The following PCDHA4 variants were observed in gnomAD, a reference collection of about 807,000 sequenced individuals.
PCDHA4 encodes protocadherin alpha-4.
A neutral mutation model predicts 61.4 loss-of-function variants in PCDHA4; 49 were observed. The observed-to-expected ratio is 0.80, with a 90% CI of 0.63 to 1.01. The LOEUF (loss-of-function observed/expected upper bound fraction) is 1.01. PCDHA4 is among the 50% of genes least tolerant of loss of function. PCDHA4 has a pLI of 0.00. For synonymous variants in PCDHA4, 590 were observed against 550.3 expected, an observed-to-expected ratio of 1.07 and a Z score of -1.01; for missense variants, 1,254 against 1,235.8, an observed-to-expected ratio of 1.01 and a Z score of -0.22.
intron 1 of PCDHA4, among the ~76,000 whole-genome samples, chr5:140,832,886 A>G (rs1334973286): frequency 1.3e-5 from 2 of 152,182 alleles, no homozygotes; most frequent in African/African-American, 4.8e-5. Context: ...TAAAATGGAA[A>G]GAGTTTTCCC....
At chr5:140,857,289 G>C in intron 1 of PCDHA4, 2 of 1,598,692 alleles carry the variant, frequency 1.3e-6, no homozygotes, top group African/African-American at 1.3e-5. Flanking sequence ...GCTCTGGACC[G>C]CGAGAGGGTG....
At chr5:140,826,294 A>G (rs1305624310) in intron 1 of PCDHA4, among the ~76,000 whole-genome samples, 1 of 152,114 alleles carries the variant, frequency 6.6e-6, no homozygotes, top group African/African-American at 2.4e-5. Context: ...TGTCTTTTTT[A>G]TAGGAACCTC....
intron 1 of PCDHA4, among the ~76,000 whole-genome samples, chr5:140,947,885 A>G (rs2094188913): frequency 6.6e-6 from 1 of 151,584 alleles, no homozygotes; most frequent in Non-Finnish European, 1.5e-5. Context: ...AGGACAATAT[A>G]AACAGAAGTG....
At chr5:140,870,417 C>T (rs2051990915) in intron 1 of PCDHA4, 1 of 1,614,092 alleles carries the variant, frequency 6.2e-7, no homozygotes, top group Admixed American at 1.7e-5. Flanking sequence ...GGGCCACGGC[C>T]AGGGTATCCG....
chr5:140,844,369 C>G (rs1345474134), intron 1 of PCDHA4, among the ~76,000 whole-genome samples: 1 of 149,206 alleles, frequency 6.7e-6, no homozygotes, highest in Admixed American at 6.7e-5. Context: ...GATTTGTAAT[C>G]CTTCTTTTAA....
At chr5:141,003,046 A>C (rs530303478) in intron 3 of PCDHA4, among the ~76,000 whole-genome samples, 76 of 152,356 alleles carry the variant, frequency 5.0e-4, no homozygotes, top group African/African-American at 1.8e-3. Context: ...TCCTGGCCTT[A>C]ACAGAACAGT....
chr5:140,903,301 A>G (rs575233990), intron 1 of PCDHA4, among the ~76,000 whole-genome samples: 1 of 152,302 alleles, frequency 6.6e-6, no homozygotes, highest in East Asian at 1.9e-4. Context: ...GAAATTTAGT[A>G]TACAATAAAG....
rs2150477897 is a variant in PCDHA4, at chr5:140,850,290, G to A, written c.2385+40718G>A. Reference sequence around the variant, plus strand: ...GGTGGGGAAGGTGCGCGCAGTGGACGCCGACTCGGGCTACAACGCGTGGCT... The same window carrying A: ...GGTGGGGAAGGTGCGCGCAGTGGACACCGACTCGGGCTACAACGCGTGGCT... On this transcript the variant is annotated intron_variant, in intron 1 of 3. Coordinates refer to ENST00000530339, the MANE Select transcript of PCDHA4 (RefSeq NM_018907.4). 4.4e-6 allele frequency: 7 copies of A among 1,595,816 alleles called. 1 individual carries two copies. The highest frequency in any genetic ancestry group is 6.0e-6 in the Non-Finnish European group (7 of 1,167,570).
intron 1 of PCDHA4, among the ~76,000 whole-genome samples, chr5:140,906,790 C>A (rs1381392314): frequency 6.6e-6 from 1 of 152,276 alleles, no homozygotes; most frequent in South Asian, 2.1e-4. Flanking sequence ...TTGTGTATTC[C>A]ATGCATACTC....
intron 1 of PCDHA4, among the ~76,000 whole-genome samples, chr5:140,910,741 ATAAAT>A (rs2075151736): frequency 6.6e-6 from 1 of 152,142 alleles, no homozygotes; most frequent in African/African-American, 2.4e-5. Flanking sequence ...AACCAAGCAC[ATAAAT>A]TATCAGAACC....
rs1038789772 is a variant in PCDHA4, at chr5:140,894,031, G to C, written c.2385+84459G>C. On this transcript the variant is annotated intron_variant, in intron 1 of 3. Transcript: ENST00000530339. ...TTCAAATTACCAGTTCTGCATACTG[G>C]TAATGTAAGTCCTCTGTTGAATTGA... Among the ~76,000 whole-genome samples, 3 of 152,204 alleles carry C rather than the reference G, an allele frequency of 2.0e-5. No homozygotes were observed. In the South Asian group the frequency reaches 6.2e-4, roughly 32 times the overall value.
At chr5:140,989,620 C>T (rs1197614071) in intron 3 of PCDHA4, among the ~76,000 whole-genome samples, 1 of 152,168 alleles carries the variant, frequency 6.6e-6, no homozygotes, top group African/African-American at 2.4e-5. Context: ...GAAAGTCTGT[C>T]CTAGTGACAG....
intron 1 of PCDHA4, chr5:140,884,560 G>A: frequency 6.2e-7 from 1 of 1,614,132 alleles, no homozygotes; most frequent in African/African-American, 1.3e-5. Context: ...GGGAGGGCCC[G>A]CATAAGACGG....
intron 1 of PCDHA4, among the ~76,000 whole-genome samples, chr5:140,914,458 A>G (rs1294717004): frequency 6.6e-6 from 1 of 152,004 alleles, no homozygotes; most frequent in Non-Finnish European, 1.5e-5. Flanking sequence ...TTTCCAGTCT[A>G]TGTGTATCTT....
intron 1 of PCDHA4, among the ~76,000 whole-genome samples, chr5:140,895,233 A>G (rs2064923914): frequency 3.3e-5 from 5 of 152,070 alleles, no homozygotes; most frequent in Admixed American, 2.6e-4. Context: ...GAGTTTTCTC[A>G]TCTCTCTTTT....
intron 1 of PCDHA4, chr5:140,843,278 G>A (rs147078401): frequency 6.3e-7 from 1 of 1,595,978 alleles, no homozygotes; most frequent in Non-Finnish European, 8.6e-7. Flanking sequence ...CCTGGTGAAG[G>A]ATCATGGTGA....
At position 140,870,851 on chromosome 5, in the gene PCDHA4, C is replaced by G. The variant is rs1562652583; in HGVS notation, c.2385+61279C>G. ...GCAGTTAACAAGCTAGTACCGCGGT[C>G]GGTGGGTGCGGGCCACGTGGTGGCG... is the stretch of plus-strand genomic sequence containing the variant. On this transcript the variant is annotated intron_variant, in intron 1 of 3. Transcript: ENST00000530339. The G allele has an allele frequency of 1.9e-6, 3 of 1,613,838 alleles. No homozygotes were observed. Among genetic ancestry groups the G allele is most frequent in the Non-Finnish European group, 2.5e-6 (3 of 1,179,894 alleles).
At chr5:140,864,528 T>C (rs2048505938) in intron 1 of PCDHA4, 1 of 152,240 alleles carries the variant, frequency 6.6e-6, no homozygotes, top group Non-Finnish European at 1.5e-5. Context: ...TACTTCTTAA[T>C]TTTTGTCTTC....
Position 140,885,608 on chromosome 5 carries a change from A to T in PCDHA4, c.2385+76036A>T, listed in dbSNP as rs1163790004. Among the ~76,000 whole-genome samples the T allele has an allele frequency of 2.0e-5, 3 of 152,192 alleles. No homozygotes were observed. In the East Asian group the frequency reaches 5.8e-4, roughly 29 times the overall value. On this transcript the variant is annotated intron_variant, in intron 1 of 3. Coordinates refer to ENST00000530339, the MANE Select transcript of PCDHA4 (RefSeq NM_018907.4). ...TGCATCAAAGATATTAATAATTTTA[A>T]TTATAAAATATGTCACTGGATTGCC...
Sources: gnomAD v4.1 joint callset for allele counts (sites outside exome capture counted in the v4.1 genomes callset) on GRCh38, gnomAD v4.1.1 for gene constraint, MANE v1.5 for transcripts, NCBI Gene and HGNC (gene_info 2026-07-23, HGNC 2026-07-21) for gene names.